Variants in CCDC88C observed in about 807,000 individuals in gnomAD.
CCDC88C encodes the protein coiled-coil and HOOK domain protein 88C, also known as protein Daple.
In CCDC88C, 131 loss-of-function variants were observed where a neutral mutation model predicts 198.8. The observed-to-expected ratio is 0.66, with a 90% CI of 0.57 to 0.76. The LOEUF is 0.76. CCDC88C is among the 30% of genes least tolerant of loss of function. The pLI, the probability that CCDC88C is intolerant of heterozygous loss-of-function variation, is 0.00. For missense variants in CCDC88C, 2,553 were observed against 2,631.6 expected (o/e 0.97, Z 0.65); for synonymous variants, 1,166 against 1,114.7 (o/e 1.05, Z -0.92).
intron 3 of CCDC88C, among the ~76,000 whole-genome samples, chr14:91,395,920 C>T (rs531906670): frequency 2.4e-4 from 37 of 152,306 alleles, no homozygotes; most frequent in Non-Finnish European, 5.3e-4. Context: ...CCCTAAATAC[C>T]ACCAACTCAG....
intron 3 of CCDC88C, among the ~76,000 whole-genome samples, chr14:91,388,831 C>T (rs935630892): frequency 6.6e-6 from 1 of 152,164 alleles, no homozygotes; most frequent in African/African-American, 2.4e-5. Flanking sequence ...GTATTAATAG[C>T]CCTCAGCTGT....
At chr14:91,297,256 T>G (rs765077728) in intron 22 of CCDC88C, 49 bp downstream of exon 22, 1 of 1,575,734 alleles carries the variant, frequency 6.3e-7, no homozygotes, top group South Asian at 1.1e-5. Context: ...GGCTGTCCCC[T>G]TGGGGGACTC....
rs1375589892 is a variant in CCDC88C, at chr14:91,307,233, G to T, written c.3007-7C>A. The T allele has an allele frequency of 6.2e-7, 1 of 1,612,264 alleles. No individual in the cohort carries two copies. Among genetic ancestry groups the T allele is most frequent in the Non-Finnish European group, 8.5e-7 (1 of 1,179,714 alleles). Reference sequence around the variant, plus strand: ...TCTCACACTCCTTCTTTAGCTACAGGTGTGACAATAAGCAAGGAGGCTTTA... The same window carrying T: ...TCTCACACTCCTTCTTTAGCTACAGTTGTGACAATAAGCAAGGAGGCTTTA... On this transcript the variant is annotated splice_region_variant and splice_polypyrimidine_tract_variant and intron_variant, in intron 17 of 29. Coordinates refer to ENST00000389857, the MANE Select transcript of CCDC88C (RefSeq NM_001080414.4).
Position 91,339,500 on chromosome 14 carries a change from C to T in CCDC88C, c.625-38G>A, listed in dbSNP as rs370113379. The T allele has an allele frequency of 4.5e-6, 7 of 1,566,218 alleles. No individual in the cohort carries two copies. Among genetic ancestry groups the T allele is most frequent in the East Asian group, 2.3e-5 (1 of 43,734 alleles). On this transcript the variant is annotated intron_variant, in intron 7 of 29. Transcript: ENST00000389857. The surrounding 1 kb of genome is among the most constrained non-coding windows in gnomAD (Gnocchi z 5.8). ...AGAGAGGGGGATGGAGGAGAACAAA[C>T]GGGGTTAACCAGCACAACGCCTGAG...
chr14:91,364,930 TA>T (rs1484890128), intron 3 of CCDC88C, among the ~76,000 whole-genome samples: 2 of 152,174 alleles, frequency 1.3e-5, no homozygotes, highest in Non-Finnish European at 2.9e-5. Context: ...AAACACAGGA[TA>T]CAGGTGTCCC....
rs61737660 is a variant in CCDC88C at position 91,338,086 on chromosome 14, G to A, written c.969C>T (p.Asn323=). The change falls in exon 10 of 30, where the codon AAC becomes AAT. Residue 323 remains asparagine, a synonymous_variant. Transcript: ENST00000389857. This position sits in a 1 kb window ranked among gnomAD's most constrained non-coding sequence, Gnocchi z 4.8. Reference sequence around the variant, plus strand: ...GCTCCAGCTCCAGCCTCTCCACGCGGTTCGCCTTCTCCCGCAGGGAATCCA... The same window carrying A: ...GCTCCAGCTCCAGCCTCTCCACGCGATTCGCCTTCTCCCGCAGGGAATCCA... ...DELDSLREKA[N]RVERLELELT... is the part of the protein sequence containing the mutation. 706 of 1,613,872 alleles carry A rather than the reference G, an allele frequency of 4.4e-4. 3 individuals carry two copies. The African/African-American group carries it at 8.3e-3, about 19-fold the overall frequency.
intron 23 of CCDC88C, among the ~76,000 whole-genome samples, chr14:91,293,395 CCCACCT>C (rs1567055152): frequency 2.0e-4 from 9 of 45,878 alleles, no homozygotes; most frequent in Middle Eastern, 0.012. Context: ...CCTGCCACAG[CCCACCT>C]TCCTGCCCCC....
In CCDC88C at chr14:91,416,809, G is replaced by A. The variant is rs975250334; in HGVS notation, c.90C>T (p.Gly30=). 8.7e-6 allele frequency: 14 copies of A among 1,613,400 alleles called. No individual in the cohort carries two copies. The highest frequency in any genetic ancestry group is 1.7e-5 in the Admixed American group (1 of 59,964). ...WVKTFGPFGS[G]SQDNLTMYMD... The stretch of plus-strand genomic sequence containing the variant: ...TGTACATAGTCAGGTTGTCCTGGCT[G>A]CCGCTTCCAAACGGGCCAAAAGTTT... The change falls in exon 2 of 30, where the codon GGC becomes GGT. Residue 30 remains glycine, a synonymous_variant. Coordinates refer to ENST00000389857, the MANE Select transcript of CCDC88C (RefSeq NM_001080414.4).
In CCDC88C at chr14:91,273,348, G is replaced by A. The variant is rs746280412; in HGVS notation, c.5364C>T (p.Pro1788=). ...GGCTGGCAGGTGCATGGGAAGCTGG[G>A]GGCACCGGAGCCTGCCGGGGTCTGC... ...SLGRPRQAPV[P]PASHAPASRS... is the part of the protein sequence containing the mutation. The change falls in exon 30 of 30, where the codon CCC becomes CCT. Residue 1788 remains proline (P), a synonymous_variant. Transcript: ENST00000389857. The surrounding 1 kb of genome is among the most constrained non-coding windows in gnomAD (Gnocchi z 5.6). 2 of 1,540,540 alleles carry A rather than the reference G, an allele frequency of 1.3e-6. No individual in the cohort carries two copies. The highest frequency in any genetic ancestry group is 1.8e-6 in the Non-Finnish European group (2 of 1,141,502).
At chr14:91,408,884 G>A (rs1596172135) in intron 2 of CCDC88C, 117 bp from the exon 3 acceptor site, 1 of 679,682 alleles carries the variant, frequency 1.5e-6, no homozygotes, top group East Asian at 2.8e-5. Context: ...AGGCTGTGCT[G>A]TGGCAGTTGT....
At chr14:91,307,316 A>G (rs1291140128) in intron 17 of CCDC88C, 90 bp from the exon 18 acceptor site, 1 of 1,093,098 alleles carries the variant, frequency 9.1e-7, no homozygotes, top group African/African-American at 1.5e-5. Context: ...CCTGCACCAC[A>G]CCCTCCACAC....
chr14:91,318,872 T>C (rs1156681128), intron 13 of CCDC88C, among the ~76,000 whole-genome samples: 4 of 137,510 alleles, frequency 2.9e-5, no homozygotes, highest in Admixed American at 1.7e-4. Flanking sequence ...GAAGCTGAGA[T>C]TGCACCACTG....
chr14:91,328,368 G>A (rs1016477018), intron 10 of CCDC88C, among the ~76,000 whole-genome samples: 2 of 152,182 alleles, frequency 1.3e-5, no homozygotes, highest in African/African-American at 4.8e-5. Context: ...CCAAGCTCCC[G>A]AAGCAAGCCC....
chr14:91,290,934 G>T, intron 24 of CCDC88C, 61 bp downstream of exon 24: 2 of 1,029,364 alleles, frequency 1.9e-6, no homozygotes, highest in East Asian at 2.5e-5. Context: ...CTTTCACCCT[G>T]TGCACAGAAA....
chr14:91,314,597 T>C (rs554561155), intron 14 of CCDC88C, among the ~76,000 whole-genome samples: 1 of 152,334 alleles, frequency 6.6e-6, no homozygotes, highest in African/African-American at 2.4e-5. Flanking sequence ...TTTCTTATAC[T>C]TGGGGTCAGT....
intron 3 of CCDC88C, chr14:91,379,879 G>A (rs1046514425): frequency 2.8e-6 from 2 of 702,938 alleles, no homozygotes; most frequent in African/African-American, 3.5e-5. Context: ...CGGAAAAAGG[G>A]TCTATCCTGA....
intron 4 of CCDC88C, among the ~76,000 whole-genome samples, chr14:91,358,281 G>A (rs1304116613): frequency 6.6e-6 from 1 of 151,298 alleles, no homozygotes; most frequent in Non-Finnish European, 1.5e-5. Flanking sequence ...GCTGCAGTGA[G>A]ACCAGGCTGA....
At chr14:91,412,071 G>C (rs1157263076) in intron 2 of CCDC88C, among the ~76,000 whole-genome samples, 1 of 151,436 alleles carries the variant, frequency 6.6e-6, no homozygotes, top group African/African-American at 2.4e-5. Flanking sequence ...GGGAAAGCCA[G>C]CCCCCAACTT....
chr14:91,387,040 T>C (rs1384361810), intron 3 of CCDC88C, among the ~76,000 whole-genome samples: 2 of 152,244 alleles, frequency 1.3e-5, no homozygotes, highest in Admixed American at 1.3e-4. Flanking sequence ...CTTGTTGTGA[T>C]TCCCACTTTA....
Sources: gnomAD v4.1 joint callset for allele counts (sites outside exome capture counted in the v4.1 genomes callset) on GRCh38, gnomAD v4.1.1 for gene constraint, Gnocchi (gnomAD v3.1) non-coding constraint, MANE v1.5 for transcripts, NCBI Gene and HGNC (gene_info 2026-07-23, HGNC 2026-07-21) for gene names.